Variants in WDR62 observed in about 807,000 individuals in gnomAD.
The protein encoded by WDR62 is WD repeat-containing protein 62.
Under a neutral mutation model 160.6 loss-of-function variants are expected in WDR62, and 112 were observed. The ratio of observed to expected loss-of-function variants is 0.70; its 90% confidence interval spans 0.60 to 0.82. The LOEUF is 0.82. Among genes scored for constraint, WDR62 ranks in the 40% least tolerant of loss-of-function variants. The probability of loss-of-function intolerance (pLI) is 0.00; values close to 1 mark genes in which losing one functional copy is unlikely to be tolerated. For synonymous variants in WDR62, 792 were observed against 815.1 expected, an observed-to-expected ratio of 0.97 and a Z score of 0.48; for missense variants, 1,819 against 1,983.8, an observed-to-expected ratio of 0.92 and a Z score of 1.58.
At position 36,097,040 on chromosome 19, in the gene WDR62, G is replaced by A. The variant is rs1417398335; in HGVS notation, c.2481G>A (p.Leu827=). The A allele has an allele frequency of 6.2e-7, 1 of 1,613,228 alleles. No individual in the cohort carries two copies. The highest frequency in any genetic ancestry group is 8.5e-7 in the Non-Finnish European group (1 of 1,179,626). ...KDSLDPDPRC[L]LTNGKLPLWA... ...GTGTCTTTCCAGATCCTCGTTGCCT[G>A]CTAACCAACGGCAAGCTGCCACTGT... The change falls in exon 21 of 32, where the codon CTG becomes CTA. Residue 827 remains leucine, a synonymous_variant. Coordinates refer to ENST00000401500, the MANE Select transcript of WDR62 (RefSeq NM_001083961.2).
chr19:36,107,568 G>T (rs540182845), downstream of WDR62, among the ~76,000 whole-genome samples: 21 of 152,046 alleles, frequency 1.4e-4, no homozygotes, highest in African/African-American at 5.1e-4. Context: ...CAGCAGAAAA[G>T]ATGCAGATCT....
At chr19:36,075,455 T>A (rs571695931) in intron 9 of WDR62, 2 of 145,938 alleles carry the variant, frequency 1.4e-5, no homozygotes, top group Non-Finnish European at 3.0e-5. Context: ...GCAGCTTTTT[T>A]TCCCCCCCAA....
rs1404965427 is a variant in WDR62, at chr19:36,102,074, G to A, written c.3143G>A (p.Ser1048Asn). 1 of 1,614,182 alleles carries A rather than the reference G, an allele frequency of 6.2e-7. No individual in the cohort carries two copies. Among genetic ancestry groups the A allele is most frequent in the Admixed American group, 1.7e-5 (1 of 60,028 alleles). Residue 1048 changes from serine to asparagine, a missense_variant, in exon 26 of 32, where the codon AGC becomes AAC. Physicochemically the swap from Ser to Asn is conservative, Grantham distance 46. Coordinates refer to ENST00000401500, the MANE Select transcript of WDR62 (RefSeq NM_001083961.2). ...CCCGAGGGACCCAGCGTCCCCAGCA[G>A]CTCCCTACCCCAGACTCCGGAGCAG... ...SLPEGPSVPSSSLPQTPEQEK... is the reference protein window; with the variant it reads ...SLPEGPSVPSNSLPQTPEQEK...
downstream of WDR62, among the ~76,000 whole-genome samples, chr19:36,108,576 G>T (rs1287826437): frequency 6.7e-6 from 1 of 149,920 alleles, no homozygotes; most frequent in Non-Finnish European, 1.5e-5. Flanking sequence ...TCCTCGGCAG[G>T]ATGCAGTGGC....
chr19:36,081,680 A>C (rs1971909844), intron 10 of WDR62, 110 bp downstream of exon 10: 1 of 1,503,258 alleles, frequency 6.7e-7, no homozygotes, highest in Admixed American at 1.7e-5. Flanking sequence ...AGGTTCCATG[A>C]GGGCAAGAGC....
At chr19:36,080,373 C>T (rs113140103) in intron 9 of WDR62, among the ~76,000 whole-genome samples, 9 of 152,008 alleles carry the variant, frequency 5.9e-5, no homozygotes, top group East Asian at 1.9e-4. Flanking sequence ...CTCGGCCTCC[C>T]GAAGTGCTGG....
In WDR62 at chr19:36,065,952, C is replaced by A. The variant is rs779553548; in HGVS notation, c.333-6C>A. 1.7e-5 allele frequency: 27 copies of A among 1,613,986 alleles called. No homozygotes were observed. In the East Asian group the frequency reaches 5.6e-4, roughly 33 times the overall value. ...ACCAGTGATCAGCTCTTTTCTTTAT[C>A]CCCAGGAAGTCTCTCAGTGCTCTGG... On this transcript the variant is annotated splice_region_variant and splice_polypyrimidine_tract_variant and intron_variant, in intron 3 of 31. Transcript: ENST00000401500.
chr19:36,075,359 C>T (rs1350249026), intron 9 of WDR62: 2 of 151,956 alleles, frequency 1.3e-5, no homozygotes, highest in South Asian at 2.1e-4. Context: ...AAGGTTCTAT[C>T]TAACTCTAAG....
chr19:36,067,816 C>T lies in WDR62; in HGVS notation c.700-12C>T, dbSNP rs760907259. ...GTGGACAAGTATCTCACTACGCCCT[C>T]TGTGTCTCCAGGTGACGAGCACAGT... On this transcript the variant is annotated splice_polypyrimidine_tract_variant and intron_variant, in intron 6 of 31. Transcript: ENST00000401500. 1.2e-6 allele frequency: 2 copies of T among 1,613,770 alleles called. No individual in the cohort carries two copies. Among genetic ancestry groups the T allele is most frequent in the Non-Finnish European group, 8.5e-7 (1 of 1,180,022 alleles).
Position 36,100,886 on chromosome 19 carries a change from T to C in WDR62, c.2867+11T>C. 1.2e-6 allele frequency: 2 copies of C among 1,614,088 alleles called. No homozygotes were observed. Among genetic ancestry groups the C allele is most frequent in the South Asian group, 1.1e-5 (1 of 91,066 alleles). On this transcript the variant is annotated intron_variant, in intron 23 of 31. Coordinates refer to ENST00000401500, the MANE Select transcript of WDR62 (RefSeq NM_001083961.2). The stretch of plus-strand genomic sequence containing the variant: ...CACAGGGACAGACAGGTGGGTGTCC[T>C]TTCCACCAAGGGAGCCTTAGTTGGA...
intron 1 of WDR62, 111 bp downstream of exon 1, chr19:36,055,259 T>G (rs1970296263): frequency 8.0e-7 from 1 of 1,246,398 alleles, no homozygotes; most frequent in Non-Finnish European, 1.1e-6. Context: ...CCCCTCAGGT[T>G]GTTCCCTGCC....
chr19:36,060,100 G>A (rs1384395686), intron 3 of WDR62, 70 bp downstream of exon 3: 2 of 1,473,178 alleles, frequency 1.4e-6, no homozygotes, highest in African/African-American at 1.4e-5. Context: ...CCCCTACACA[G>A]CCTGGAGATA....
intron 15 of WDR62, among the ~76,000 whole-genome samples, chr19:36,090,045 G>A (rs780837319): frequency 5.3e-5 from 8 of 152,192 alleles, no homozygotes; most frequent in Non-Finnish European, 1.2e-4. Flanking sequence ...GAGCCCAGGG[G>A]CCCTGTGGAG....
rs191427599 is a variant in WDR62, at chr19:36,064,144, G to A, written c.333-1814G>A. Among the ~76,000 whole-genome samples, 14 of 152,358 alleles carry A rather than the reference G, an allele frequency of 9.2e-5. 1 individual carries two copies. The highest frequency in any genetic ancestry group is 4.4e-5 in the Non-Finnish European group (3 of 68,034). On this transcript the variant is annotated intron_variant, in intron 3 of 31. Transcript: ENST00000401500. Reference sequence around the variant, plus strand: ...AGGCACAAGGTCAGGGCATGCGACAGGTTAGAGGTGGCTACGGGCAACAGA... The same window carrying A: ...AGGCACAAGGTCAGGGCATGCGACAAGTTAGAGGTGGCTACGGGCAACAGA...
At chr19:36,060,183 G>T in intron 3 of WDR62, 153 bp downstream of exon 3, 1 of 773,524 alleles carries the variant, frequency 1.3e-6, no homozygotes, top group Non-Finnish European at 2.2e-6. Context: ...GTGCTGTTCC[G>T]TGTGCTGGGG....
chr19:36,069,926 G>A (rs1419651715), intron 7 of WDR62, among the ~76,000 whole-genome samples: 1 of 151,984 alleles, frequency 6.6e-6, no homozygotes, highest in Non-Finnish European at 1.5e-5. Context: ...CAGGGAGGTT[G>A]CAGTGAGCCG....
intron 9 of WDR62, chr19:36,075,039 T>TC (rs1971501550): frequency 1.3e-5 from 2 of 151,852 alleles, no homozygotes; most frequent in Non-Finnish European, 2.9e-5. Context: ...CTCTTCTCTC[T>TC]CTTTTTTTTT....
At chr19:36,071,532 C>T in intron 7 of WDR62, 24 bp from the exon 8 acceptor site, 1 of 1,614,230 alleles carries the variant, frequency 6.2e-7, no homozygotes, top group East Asian at 2.2e-5. Context: ...ACCAAATCCA[C>T]TGGGGTCCCT....
rs1970906742 is a variant in WDR62 at position 36,065,828 on chromosome 19, GCTCAC to G, written c.333-126_333-122del. On this transcript the variant is annotated intron_variant, in intron 3 of 31. Transcript: ENST00000401500. ...CACTGGCTCTGTGGGAGCTGCTTGA[GCTCAC>G]CTCTGCTGGCCTCTTCCGAGGCTTG... 3.2e-5 allele frequency: 28 copies of G among 885,672 alleles called. No individual in the cohort carries two copies. In the South Asian group the frequency reaches 3.7e-4, roughly 12 times the overall value. The allele number at this position is 885,672 out of a possible 1,614,324, so 54.9% of individuals were successfully genotyped here.
Sources: gnomAD v4.1 joint callset for allele counts (sites outside exome capture counted in the v4.1 genomes callset) on GRCh38, gnomAD v4.1.1 for gene constraint, MANE v1.5 for transcripts, NCBI Gene and HGNC (gene_info 2026-07-23, HGNC 2026-07-21) for gene names.